Variants in CRB1 observed in about 807,000 individuals in gnomAD.
The protein encoded by CRB1 is protein crumbs homolog 1.
In CRB1, 83 loss-of-function variants were observed where a neutral mutation model predicts 120.0. That is an observed-to-expected ratio of 0.69 (90% CI 0.58 to 0.83). The LOEUF (loss-of-function observed/expected upper bound fraction) is 0.83. Among genes scored for constraint, CRB1 ranks in the 40% least tolerant of loss-of-function variants. CRB1 has a pLI of 0.00. For missense variants in CRB1, 1,699 were observed against 1,687.6 expected, an observed-to-expected ratio of 1.01 and a Z score of -0.12; for synonymous variants, 625 against 612.5, an observed-to-expected ratio of 1.02 and a Z score of -0.30.
At chr1:197,333,993 G>A (rs1007735247) in intron 2 of CRB1, among the ~76,000 whole-genome samples, 1 of 152,210 alleles carries the variant, frequency 6.6e-6, no homozygotes, top group African/African-American at 2.4e-5. Flanking sequence ...AGTTTAACTG[G>A]CATTGTCAAC....
At chr1:197,313,978 C>T (rs1443543021) in intron 1 of CRB1, among the ~76,000 whole-genome samples, 1 of 152,138 alleles carries the variant, frequency 6.6e-6, no homozygotes, top group Non-Finnish European at 1.5e-5. Flanking sequence ...CATTAACTAG[C>T]ACAGTTAAAA....
chr1:197,470,025 C>T (rs1230102250), intron 11 of CRB1, among the ~76,000 whole-genome samples: 1 of 152,170 alleles, frequency 6.6e-6, no homozygotes, highest in East Asian at 1.9e-4. Flanking sequence ...CTGCAGGACA[C>T]ATGGTGAGGT....
chr1:197,232,318 G>A, the CRB1 span, among the ~76,000 whole-genome samples: 1 of 152,278 alleles, frequency 6.6e-6, no homozygotes. Context: ...TGTTACAGTA[G>A]TAATGGGAAA....
intron 5 of CRB1, among the ~76,000 whole-genome samples, chr1:197,390,238 T>C (rs2125413538): frequency 6.6e-6 from 1 of 152,124 alleles, no homozygotes; most frequent in Non-Finnish European, 1.5e-5. Flanking sequence ...TTTTATTAAG[T>C]CACTACATTA....
Position 197,438,581 on chromosome 1 carries a change from G to A in CRB1, c.3784G>A (p.Glu1262Lys), listed in dbSNP as rs1007094417. The change falls in exon 10 of 12, where the codon GAG becomes AAG. Residue 1262 changes from glutamate to lysine, a missense_variant. Coordinates refer to ENST00000367400, the MANE Select transcript of CRB1 (RefSeq NM_201253.3). ...ATTACCCTCAACAGTCTGTGGGAAT[G>A]AGAAGACAAATCTCACTTGCTACAA... ...SRLPSTVCGN[E>K]KTNLTCYNGG... 1 of 1,612,788 alleles carries A rather than the reference G, an allele frequency of 6.2e-7. No homozygotes were observed. The highest frequency in any genetic ancestry group is 8.5e-7 in the Non-Finnish European group (1 of 1,179,010).
chr1:197,345,937 G>A (rs1659746067), intron 3 of CRB1, among the ~76,000 whole-genome samples: 1 of 152,014 alleles, frequency 6.6e-6, no homozygotes, highest in Non-Finnish European at 1.5e-5. Context: ...CTACATTCCT[G>A]GAGACAGGTA....
At chr1:197,333,999 T>G (rs556320078) in intron 2 of CRB1, among the ~76,000 whole-genome samples, 1 of 152,370 alleles carries the variant, frequency 6.6e-6, no homozygotes, top group Non-Finnish European at 1.5e-5. Context: ...ACTGGCATTG[T>G]CAACTTAATA....
Position 197,421,815 on chromosome 1 carries a change from T to C in CRB1, c.1987T>C (p.Ser663Pro). ...CCTGGAGAACATCTCGTCTGGCTCA[T>C]CATTAAATGTCAAGGCAGGCTGTGT... ...ITLENISSGS[S>P]LNVKAGCVRK... Residue 663 changes from serine (S) to proline (P), a missense_variant, in exon 6 of 12, where the codon TCA becomes CCA. Transcript: ENST00000367400. 1 of 1,614,192 alleles carries C rather than the reference T, an allele frequency of 6.2e-7. No homozygotes were observed. Among genetic ancestry groups the C allele is most frequent in the Non-Finnish European group, 8.5e-7 (1 of 1,180,036 alleles).
chr1:197,396,231 A>AT (rs1571466142), intron 5 of CRB1, among the ~76,000 whole-genome samples: 1 of 152,094 alleles, frequency 6.6e-6, no homozygotes, highest in African/African-American at 2.4e-5. Flanking sequence ...AGTACTATTA[A>AT]TTTTTTTAAA....
intron 5 of CRB1, among the ~76,000 whole-genome samples, chr1:197,409,296 A>G (rs577338556): frequency 6.6e-6 from 1 of 152,366 alleles, no homozygotes; most frequent in African/African-American, 2.4e-5. Context: ...ATTAAGGTTG[A>G]CAGTGACCCA....
the CRB1 span, among the ~76,000 whole-genome samples, chr1:197,201,731 G>A: frequency 6.6e-6 from 1 of 152,192 alleles, no homozygotes; most frequent in Non-Finnish European, 1.5e-5. Flanking sequence ...AACAGCAACT[G>A]CCAGAAGCCA....
At chr1:197,396,351 C>T (rs936736022) in intron 5 of CRB1, among the ~76,000 whole-genome samples, 8 of 152,024 alleles carry the variant, frequency 5.3e-5, no homozygotes, top group Non-Finnish European at 7.4e-5. Flanking sequence ...CTATATTTCA[C>T]GTTCACTGAT....
chr1:197,224,062 T>C, the CRB1 span, among the ~76,000 whole-genome samples: 1 of 152,108 alleles, frequency 6.6e-6, no homozygotes, highest in East Asian at 1.9e-4. Flanking sequence ...CTTTTTGGAA[T>C]GGACTCATGT....
At chr1:197,331,475 A>G (rs1195933366) in intron 2 of CRB1, among the ~76,000 whole-genome samples, 2 of 152,176 alleles carry the variant, frequency 1.3e-5, no homozygotes, top group Non-Finnish European at 2.9e-5. Context: ...GTTGTATGAA[A>G]AGCTCCTTGT....
chr1:197,415,665 CAG>C (rs1663956904), intron 5 of CRB1, among the ~76,000 whole-genome samples: 1 of 96,734 alleles, frequency 1.0e-5, no homozygotes, highest in East Asian at 3.2e-4. Context: ...TTTTTTGAGA[CAG>C]AGTCTCACTC....
rs1176926134 is a variant in CRB1 at position 197,376,214 on chromosome 1, T to G, written c.1171+19201T>G. Among the ~76,000 whole-genome samples the G allele has an allele frequency of 3.9e-5, 6 of 152,190 alleles. No homozygotes were observed. In the East Asian group the frequency reaches 1.2e-3, roughly 29 times the overall value. On this transcript the variant is annotated intron_variant, in intron 5 of 11. Coordinates refer to ENST00000367400, the MANE Select transcript of CRB1 (RefSeq NM_201253.3). ...CCCTTGGAAAATCTCATGTAATCTC[T>G]TGACTTTAAATTTTAGATAGATGTT...
intron 1 of CRB1, among the ~76,000 whole-genome samples, chr1:197,289,918 T>C (rs927109104): frequency 6.6e-6 from 1 of 151,580 alleles, no homozygotes; most frequent in Non-Finnish European, 1.5e-5. Flanking sequence ...GTTATATATC[T>C]TATGTAGATG....
the CRB1 span, chr1:197,222,424 C>A: frequency 1.3e-6 from 1 of 768,420 alleles, no homozygotes. Flanking sequence ...TTTCATCGTC[C>A]TCGGGCTACC....
chr1:197,469,756 C>G (rs887674511), intron 11 of CRB1, among the ~76,000 whole-genome samples: 1 of 152,218 alleles, frequency 6.6e-6, no homozygotes, highest in Non-Finnish European at 1.5e-5. Context: ...CAAATGATAG[C>G]TGGCTCCTGC....
Sources: gnomAD v4.1 joint callset for allele counts (sites outside exome capture counted in the v4.1 genomes callset) on GRCh38, gnomAD v4.1.1 for gene constraint, MANE v1.5 for transcripts, NCBI Gene and HGNC (gene_info 2026-07-23, HGNC 2026-07-21) for gene names.